RALYL: variants seen among roughly 807,000 people sequenced by gnomAD.
RALYL encodes the protein RALY RNA binding protein like, also known as RNA-binding Raly-like protein.
RALYL carries 29 observed loss-of-function variants against 35.1 expected under a neutral mutation model. The ratio of observed to expected loss-of-function variants is 0.83; its 90% confidence interval spans 0.61 to 1.13. The LOEUF is 1.13. Among genes scored for constraint, RALYL ranks in the 50% most tolerant of loss-of-function variants. The pLI is 0.00. For synonymous variants in RALYL, 120 were observed against 127.6 expected (o/e 0.94, Z 0.40); for missense variants, 359 against 360.4 (o/e 1.00, Z 0.03).
In RALYL at chr8:84,552,355, TA is replaced by T. The variant is rs1241496837; in HGVS notation, c.256+22779del. 5.6e-3 allele frequency among the ~76,000 whole-genome samples: 490 copies of T among 87,156 alleles called. 8 individuals are homozygous for T. The highest frequency in any genetic ancestry group is 0.018 in the African/African-American group (309 of 17,032). The allele number at this position is 87,156 out of a possible 152,430, so 57.2% of individuals were successfully genotyped here. On this transcript the variant is annotated intron_variant, in intron 2 of 8. Transcript: ENST00000521268. ...ATGTGTGTGTATATATATATATATA[TA>T]TATTTTTTTTTTTTTTTTTTTTTTT...
chr8:84,572,134 T>A (rs1224232395), intron 2 of RALYL, among the ~76,000 whole-genome samples: 1 of 151,858 alleles, frequency 6.6e-6, no homozygotes, highest in East Asian at 1.9e-4. Flanking sequence ...CCAGTTTAAG[T>A]CCAAAGTTGA....
intron 1 of RALYL, among the ~76,000 whole-genome samples, chr8:84,526,201 C>G (rs1352296944): frequency 6.6e-6 from 1 of 151,946 alleles, no homozygotes; most frequent in Non-Finnish European, 1.5e-5. Flanking sequence ...GCCATCTGCC[C>G]ACCTCAGCCT....
intron 1 of RALYL, among the ~76,000 whole-genome samples, chr8:84,500,424 C>A (rs912876361): frequency 6.6e-6 from 1 of 152,064 alleles, no homozygotes; most frequent in Non-Finnish European, 1.5e-5. Context: ...CTATTTAAGA[C>A]CTTACGCAGT....
chr8:84,244,802 C>T (rs1344079906), intron 1 of RALYL, among the ~76,000 whole-genome samples: 1 of 152,156 alleles, frequency 6.6e-6, no homozygotes, highest in Non-Finnish European at 1.5e-5. Context: ...GTTTCCTTCA[C>T]TTATATCTGA....
At chr8:84,534,064 T>G (rs2059441406) in intron 2 of RALYL, among the ~76,000 whole-genome samples, 1 of 152,248 alleles carries the variant, frequency 6.6e-6, no homozygotes, top group Non-Finnish European at 1.5e-5. Flanking sequence ...GAAAAAAGAA[T>G]GAAACCTTTG....
At chr8:84,543,891 A>G (rs529759894) in intron 2 of RALYL, among the ~76,000 whole-genome samples, 2 of 152,166 alleles carry the variant, frequency 1.3e-5, no homozygotes, top group East Asian at 3.9e-4. Context: ...AACCTCATCA[A>G]TCTTACAGTG....
intron 1 of RALYL, among the ~76,000 whole-genome samples, chr8:84,191,460 A>G (rs1813855670): frequency 6.6e-6 from 1 of 152,196 alleles, no homozygotes; most frequent in Non-Finnish European, 1.5e-5. Flanking sequence ...TCTAGTGCAC[A>G]AAGCATGGCT....
intron 2 of RALYL, among the ~76,000 whole-genome samples, chr8:84,758,955 G>A (rs2133335693): frequency 6.6e-6 from 1 of 152,192 alleles, no homozygotes. Flanking sequence ...GTATTAGTAG[G>A]GCTATATTCC....
rs1484427646 is a variant in RALYL, at chr8:84,301,876, A to ATATC, written c.-24+117455_-24+117458dup. On this transcript the variant is annotated intron_variant, in intron 1 of 8. Coordinates refer to ENST00000521268, the MANE Select transcript of RALYL (RefSeq NM_173848.7). ...TCTTTTTCTTCTCCTTATATAACTT[A>ATATC]TATCTAATGAGCATCCTTTCTACCC... is the stretch of plus-strand genomic sequence containing the variant. Among the ~76,000 whole-genome samples the ATATC allele has an allele frequency of 2.6e-5, 4 of 152,214 alleles. No homozygotes were observed. In the East Asian group the frequency reaches 7.7e-4, roughly 29 times the overall value.
At chr8:84,602,558 C>T (rs901917522) in intron 2 of RALYL, among the ~76,000 whole-genome samples, 1 of 152,186 alleles carries the variant, frequency 6.6e-6, no homozygotes, top group South Asian at 2.1e-4. Flanking sequence ...AGGCATTTGT[C>T]CACTGAGATC....
At chr8:84,470,675 C>T (rs1433659975) in intron 1 of RALYL, among the ~76,000 whole-genome samples, 2 of 152,122 alleles carry the variant, frequency 1.3e-5, no homozygotes, top group Non-Finnish European at 2.9e-5. Flanking sequence ...TCTAAATGGT[C>T]TTGTGGAGTA....
In RALYL at chr8:84,221,285, GGGTGT is replaced by G. The variant is rs1563556238; in HGVS notation, c.-24+36863_-24+36867del. 3.0e-4 allele frequency among the ~76,000 whole-genome samples: 38 copies of G among 127,428 alleles called. No homozygotes were observed. In the East Asian group the frequency reaches 7.2e-3, roughly 24 times the overall value. 83.6% of individuals were successfully genotyped at this position (127,428 alleles called of 152,430 possible). ...CTAATCTTATAAGAAAATGGAAAGC[GGGTGT>G]GTGTGTGTGTGTGCATGTGCGTGCA... is the stretch of plus-strand genomic sequence containing the variant. On this transcript the variant is annotated intron_variant, in intron 1 of 8. Coordinates refer to ENST00000521268, the MANE Select transcript of RALYL (RefSeq NM_173848.7).
intron 1 of RALYL, among the ~76,000 whole-genome samples, chr8:84,325,177 A>C (rs1202515256): frequency 6.6e-6 from 1 of 152,154 alleles, no homozygotes; most frequent in Non-Finnish European, 1.5e-5. Flanking sequence ...GGGAGAGGGC[A>C]CCTCACAACT....
intron 1 of RALYL, among the ~76,000 whole-genome samples, chr8:84,507,537 C>A (rs546423099): frequency 2.6e-5 from 4 of 152,184 alleles, no homozygotes; most frequent in African/African-American, 9.6e-5. Context: ...TACCTAAGTA[C>A]GAAGTATATT....
intron 1 of RALYL, among the ~76,000 whole-genome samples, chr8:84,240,179 T>A (rs1227140418): frequency 6.6e-6 from 1 of 152,194 alleles, no homozygotes; most frequent in Non-Finnish European, 1.5e-5. Context: ...TAATAAAAAC[T>A]TCCCACAGTC....
At chr8:84,847,183 T>G (rs1342776294) in intron 4 of RALYL, among the ~76,000 whole-genome samples, 2 of 152,324 alleles carry the variant, frequency 1.3e-5, no homozygotes, top group Non-Finnish European at 2.9e-5. Flanking sequence ...GAGCTCCACC[T>G]CTGCCTATTT....
At chr8:84,343,379 C>T (rs1482572103) in intron 1 of RALYL, among the ~76,000 whole-genome samples, 4 of 152,008 alleles carry the variant, frequency 2.6e-5, no homozygotes, top group African/African-American at 4.8e-5. Flanking sequence ...ATACATTTAT[C>T]AATGCTGACA....
intron 3 of RALYL, among the ~76,000 whole-genome samples, chr8:84,799,545 A>G (rs908305195): frequency 6.6e-6 from 1 of 152,242 alleles, no homozygotes; most frequent in South Asian, 2.1e-4. Flanking sequence ...AACAGCAACA[A>G]CAGAACTAGA....
intron 1 of RALYL, among the ~76,000 whole-genome samples, chr8:84,280,642 C>G (rs1836351887): frequency 6.6e-6 from 1 of 151,698 alleles, no homozygotes; most frequent in African/African-American, 2.4e-5. Flanking sequence ...AAGACCCTGA[C>G]TTTATCTTTG....
Sources: allele counts gnomAD v4.1 joint callset (sites outside exome capture counted in the v4.1 genomes callset), GRCh38; gene constraint gnomAD v4.1.1; transcripts MANE v1.5; gene names NCBI Gene and HGNC (gene_info 2026-07-23, HGNC 2026-07-21).